PTPRA: variants seen among roughly 807,000 people sequenced by gnomAD.
PTPRA encodes receptor-type tyrosine-protein phosphatase alpha.
A neutral mutation model predicts 104.8 loss-of-function variants in PTPRA; 25 were observed. The observed-to-expected ratio is 0.24, with a 90% CI of 0.17 to 0.33. The LOEUF is 0.33. PTPRA is among the 10% of genes least tolerant of loss of function. PTPRA has a pLI of 1.00. For synonymous variants in PTPRA, 323 were observed against 368.9 expected (o/e 0.88, Z 1.43); for missense variants, 765 against 1,015.3 (o/e 0.75, Z 3.35).
intron 9 of PTPRA, among the ~76,000 whole-genome samples, chr20:3,001,103 A>G (rs1235491138): frequency 6.6e-6 from 1 of 152,166 alleles, no homozygotes; most frequent in Non-Finnish European, 1.5e-5. Flanking sequence ...GATGCCACCT[A>G]GTGTTTCTAG....
At chr20:2,939,188 G>A (rs2060814399) in intron 2 of PTPRA, among the ~76,000 whole-genome samples, 1 of 152,146 alleles carries the variant, frequency 6.6e-6, no homozygotes. Flanking sequence ...TTGCTGTGTT[G>A]TTTCTGGTCA....
At position 3,017,813 on chromosome 20, in the gene PTPRA, T is replaced by C. The variant is rs2148395414; in HGVS notation, c.944-3T>C. On this transcript the variant is annotated splice_polypyrimidine_tract_variant and splice_region_variant and intron_variant, in intron 12 of 23. Coordinates refer to ENST00000399903, the MANE Select transcript of PTPRA (RefSeq NM_001385305.1). The stretch of plus-strand genomic sequence containing the variant: ...TCTTCATTTTTGCTGTTGGCTACTT[T>C]AGGACCAAAAGAAGAAACGGTGAAT... 6.2e-7 allele frequency: 1 copy of C among 1,614,006 alleles called. No individual in the cohort carries two copies. Among genetic ancestry groups the C allele is most frequent in the African/African-American group, 1.3e-5 (1 of 75,032 alleles).
intron 1 of PTPRA, among the ~76,000 whole-genome samples, chr20:2,921,179 T>G (rs902313742): frequency 6.6e-6 from 1 of 152,198 alleles, no homozygotes; most frequent in Non-Finnish European, 1.5e-5. Flanking sequence ...GCAAACTGAA[T>G]GGGCTCTGTA....
At chr20:2,979,994 C>G (rs1459247549) in intron 6 of PTPRA, among the ~76,000 whole-genome samples, 1 of 152,156 alleles carries the variant, frequency 6.6e-6, no homozygotes, top group Non-Finnish European at 1.5e-5. Context: ...TTCACCGCAA[C>G]CTCTGCCTTC....
upstream of PTPRA, among the ~76,000 whole-genome samples, chr20:2,868,618 C>CTTTTT (rs56081198): frequency 2.9e-4 from 13 of 45,212 alleles, no homozygotes; most frequent in East Asian, 8.1e-4. Context: ...TCATTCTGGG[C>CTTTTT]TTTTTTTTTT....
intron 16 of PTPRA, 77 bp from the exon 17 acceptor site, chr20:3,024,393 AGT>A: frequency 1.4e-6 from 2 of 1,395,114 alleles, no homozygotes; most frequent in Non-Finnish European, 2.0e-6. Context: ...ACTGGAGTGA[AGT>A]GGGGGTGGGA....
At position 3,024,746 on chromosome 20, in the gene PTPRA, A is replaced by T. The variant is rs547468935; in HGVS notation, c.1614+125A>T. ...GTGAGGCATGCCAGTGGTTAAGGAG[A>T]TGGTCCTTTCCTCGTACTCTGGTAA... On this transcript the variant is annotated intron_variant, in intron 17 of 23. Coordinates refer to ENST00000399903, the MANE Select transcript of PTPRA (RefSeq NM_001385305.1). The T allele has an allele frequency of 3.4e-6, 4 of 1,191,416 alleles. No homozygotes were observed. The Admixed American group carries it at 9.0e-5, about 27-fold the overall frequency. 73.8% of individuals were successfully genotyped at this position (1,191,416 alleles called of 1,614,324 possible). A position where few individuals can be genotyped will look rare whatever the true frequency, so the allele number is the denominator to read the frequency against.
chr20:2,925,136 A>G (rs1428645082), intron 2 of PTPRA, among the ~76,000 whole-genome samples: 1 of 152,096 alleles, frequency 6.6e-6, no homozygotes, highest in Non-Finnish European at 1.5e-5. Context: ...TCCATCTCCA[A>G]AACTTTTTCA....
Position 3,022,926 on chromosome 20 carries a change from C to T in PTPRA, c.1464+102C>T. 6.6e-7 allele frequency: 1 copy of T among 1,519,146 alleles called. No homozygotes were observed. Among genetic ancestry groups the T allele is most frequent in the South Asian group, 1.3e-5 (1 of 79,838 alleles). 94.1% of individuals were successfully genotyped at this position (1,519,146 alleles called of 1,614,324 possible). On this transcript the variant is annotated intron_variant, in intron 16 of 23. Coordinates refer to ENST00000399903, the MANE Select transcript of PTPRA (RefSeq NM_001385305.1). The surrounding 1 kb of genome is among the most constrained non-coding windows in gnomAD (Gnocchi z 4.6). ...TCTCACAGGTTATTGTAAATGATTA[C>T]TATAGAGTGTGATTGTGGGGGAAAG...
chr20:2,956,897 A>T (rs1292327303), intron 3 of PTPRA, among the ~76,000 whole-genome samples: 1 of 152,152 alleles, frequency 6.6e-6, no homozygotes, highest in African/African-American at 2.4e-5. Flanking sequence ...ATTCTGATGA[A>T]TATTTATAGA....
At chr20:2,943,907 G>A (rs1001977112) in intron 2 of PTPRA, among the ~76,000 whole-genome samples, 14 of 151,768 alleles carry the variant, frequency 9.2e-5, no homozygotes, top group African/African-American at 3.4e-4. Flanking sequence ...AAATATTTTC[G>A]TATCCATTTT....
At chr20:2,905,137 T>C (rs1357076192) in intron 1 of PTPRA, among the ~76,000 whole-genome samples, 1 of 152,116 alleles carries the variant, frequency 6.6e-6, no homozygotes, top group Non-Finnish European at 1.5e-5. Flanking sequence ...GGTTGTGTGC[T>C]CCTTATGAGA....
At chr20:2,923,733 A>G (rs1432744308) in intron 2 of PTPRA, among the ~76,000 whole-genome samples, 2 of 152,152 alleles carry the variant, frequency 1.3e-5, no homozygotes, top group Non-Finnish European at 2.9e-5. Context: ...CAGGAGACAG[A>G]GGTTGCAGTG....
chr20:2,909,957 A>G (rs1427385457), intron 1 of PTPRA, among the ~76,000 whole-genome samples: 1 of 118,608 alleles, frequency 8.4e-6, no homozygotes, highest in Non-Finnish European at 1.6e-5. Flanking sequence ...ATATATTATA[A>G]TATATGATAT....
At chr20:3,024,791 G>T (rs547842988) in intron 17 of PTPRA, among the ~76,000 whole-genome samples, 170 bp downstream of exon 17, 1 of 152,168 alleles carries the variant, frequency 6.6e-6, no homozygotes, top group Non-Finnish European at 1.5e-5. Context: ...CATCCTGCAC[G>T]TTGGAATCAC....
intron 17 of PTPRA, among the ~76,000 whole-genome samples, chr20:3,026,229 G>T (rs34329991): frequency 6.6e-6 from 1 of 152,008 alleles, no homozygotes; most frequent in Non-Finnish European, 1.5e-5. Flanking sequence ...GAGCCACCAC[G>T]CCCGGCTTGA....
At chr20:2,865,230 T>C in the PTPRA span, 2 of 1,614,194 alleles carry the variant, frequency 1.2e-6, no homozygotes, top group Admixed American at 3.3e-5. This position sits in a 1 kb window ranked among gnomAD's most constrained non-coding sequence, Gnocchi z 5.2. Flanking sequence ...GACCTGTCTC[T>C]ACATGACACA....
At chr20:2,908,139 C>T (rs1334208268) in intron 1 of PTPRA, among the ~76,000 whole-genome samples, 2 of 152,088 alleles carry the variant, frequency 1.3e-5, no homozygotes, top group African/African-American at 4.8e-5. Flanking sequence ...CTTACCTTCC[C>T]TCCTTGCTGT....
At chr20:3,027,340 C>T in intron 19 of PTPRA, 143 bp downstream of exon 19, 1 of 852,196 alleles carries the variant, frequency 1.2e-6, no homozygotes, top group Non-Finnish European at 1.9e-6. Flanking sequence ...CCCACCCACT[C>T]ACCCTGTGCA....
Sources: gnomAD v4.1 joint callset for allele counts (sites outside exome capture counted in the v4.1 genomes callset) on GRCh38, gnomAD v4.1.1 for gene constraint, Gnocchi (gnomAD v3.1) non-coding constraint, MANE v1.5 for transcripts, NCBI Gene and HGNC (gene_info 2026-07-23, HGNC 2026-07-21) for gene names.